MED27: variants seen among roughly 807,000 people sequenced by gnomAD.
MED27 encodes mediator of RNA polymerase II transcription subunit 27.
In MED27, 30 loss-of-function variants were observed where a neutral mutation model predicts 38.2. That is an observed-to-expected ratio of 0.79 (90% confidence interval 0.59 to 1.07). The LOEUF is 1.07. Among genes scored for constraint, MED27 ranks in the 50% least tolerant of loss-of-function variants. MED27 has a pLI of 0.00. For synonymous variants in MED27, 122 were observed against 153.5 expected (o/e 0.79, Z 1.52); for missense variants, 289 against 397.5 (o/e 0.73, Z 2.32).
In MED27 at chr9:132,000,036, G is replaced by C. The variant is rs78654676; in HGVS notation, c.479+14301C>G. Among the ~76,000 whole-genome samples the C allele has an allele frequency of 1.6e-3, 242 of 151,572 alleles. 7 individuals are homozygous for C. In the East Asian group the frequency reaches 0.045, roughly 28 times the overall value. ...TACATTAAGGCATTTTCAAAGCCATGAAAGGAAATTCTGAAAACCTGTATT... is the reference window on the plus strand; with the variant it reads ...TACATTAAGGCATTTTCAAAGCCATCAAAGGAAATTCTGAAAACCTGTATT... On this transcript the variant is annotated intron_variant, in intron 3 of 7. Transcript: ENST00000292035.
At chr9:132,016,975 T>C (rs1156272188) in intron 2 of MED27, among the ~76,000 whole-genome samples, 3 of 152,226 alleles carry the variant, frequency 2.0e-5, no homozygotes, top group Non-Finnish European at 4.4e-5. Flanking sequence ...ACAGCACACA[T>C]AGGTGGAAGG....
At chr9:131,938,176 G>A (rs949099136) in intron 4 of MED27, among the ~76,000 whole-genome samples, 2 of 151,738 alleles carry the variant, frequency 1.3e-5, no homozygotes, top group Admixed American at 6.6e-5. Flanking sequence ...GAAGATGAAC[G>A]GCTGGAGTAA....
At chr9:131,979,801 A>T (rs369971587) in intron 3 of MED27, among the ~76,000 whole-genome samples, 1 of 150,804 alleles carries the variant, frequency 6.6e-6, no homozygotes, top group East Asian at 2.0e-4. Flanking sequence ...GTCCATGCTA[A>T]CTCCTTGTAG....
intron 2 of MED27, among the ~76,000 whole-genome samples, chr9:132,066,467 G>A (rs1219264638): frequency 6.6e-6 from 1 of 152,194 alleles, no homozygotes; most frequent in Non-Finnish European, 1.5e-5. Context: ...AGACAACAAA[G>A]TTCTTGACTT....
intron 2 of MED27, among the ~76,000 whole-genome samples, chr9:132,020,957 T>G (rs1230163375): frequency 3.3e-5 from 5 of 152,226 alleles, no homozygotes; most frequent in Non-Finnish European, 7.3e-5. Flanking sequence ...TCCAATTTAC[T>G]TGCCTATTTG....
rs1170137126 is a variant in MED27, at chr9:132,051,805, C to T, written c.348+25637G>A. ...CATCACATAAAGTTCTATTGGCGAG[C>T]ACTGCTCTGATCCCAGAAAATATGT... On this transcript the variant is annotated intron_variant, in intron 2 of 7. Coordinates refer to ENST00000292035, the MANE Select transcript of MED27 (RefSeq NM_004269.4). This position sits in a 1 kb window ranked among gnomAD's most constrained non-coding sequence, Gnocchi z 4.2. Among the ~76,000 whole-genome samples the T allele has an allele frequency of 2.0e-5, 3 of 152,186 alleles. No individual in the cohort carries two copies. Among genetic ancestry groups the T allele is most frequent in the African/African-American group, 7.2e-5 (3 of 41,454 alleles).
intron 2 of MED27, among the ~76,000 whole-genome samples, chr9:132,040,284 A>T (rs1397892799): frequency 3.9e-5 from 6 of 152,256 alleles, no homozygotes; most frequent in Non-Finnish European, 8.8e-5. Flanking sequence ...TTAAAAAGCA[A>T]ATGCCATCAC....
rs1564267526 is a variant in MED27, at chr9:131,883,352, TG to T, written c.723+705del. ...GTGGGGACTGGTGGGGGTGTGGCGG[TG>T]GGGACAGAATCCTCATCAGCCACAG... On this transcript the variant is annotated intron_variant, in intron 6 of 7. Transcript: ENST00000292035. The surrounding 1 kb of genome is among the most constrained non-coding windows in gnomAD (Gnocchi z 4.2). 1.3e-5 allele frequency among the ~76,000 whole-genome samples: 2 copies of T among 151,984 alleles called. No homozygotes were observed. Among genetic ancestry groups the T allele is most frequent in the Admixed American group, 6.6e-5 (1 of 15,266 alleles).
chr9:132,056,572 C>T (rs1413910933), intron 2 of MED27, among the ~76,000 whole-genome samples: 2 of 152,162 alleles, frequency 1.3e-5, no homozygotes, highest in Non-Finnish European at 2.9e-5. Context: ...ATTTAGGATA[C>T]TCAACTGGTA....
At chr9:131,971,064 T>C (rs1831465388) in intron 3 of MED27, among the ~76,000 whole-genome samples, 1 of 152,176 alleles carries the variant, frequency 6.6e-6, no homozygotes, top group Non-Finnish European at 1.5e-5. Flanking sequence ...CTTGAAAACA[T>C]TCCAGTAGCA....
intron 2 of MED27, among the ~76,000 whole-genome samples, chr9:132,038,188 CTTTTTTT>C (rs144353393): frequency 6.3e-4 from 79 of 125,688 alleles, no homozygotes; most frequent in African/African-American, 2.5e-3. Context: ...AGGCATCCTT[CTTTTTTT>C]TTTTTTTTTT....
intron 3 of MED27, among the ~76,000 whole-genome samples, chr9:131,984,645 G>A (rs1831810825): frequency 6.6e-6 from 1 of 152,162 alleles, no homozygotes; most frequent in Non-Finnish European, 1.5e-5. Flanking sequence ...CCTCTGAGGA[G>A]GTGTCATTTC....
At chr9:132,014,265 A>T (rs1295605718) in intron 3 of MED27, 72 bp downstream of exon 3, 25 of 1,471,232 alleles carry the variant, frequency 1.7e-5, no homozygotes, top group Non-Finnish European at 2.3e-5. Flanking sequence ...GTAACTTTCC[A>T]CTACCCAAAA....
intron 3 of MED27, among the ~76,000 whole-genome samples, chr9:131,946,342 C>A (rs1172957806): frequency 6.6e-6 from 1 of 152,174 alleles, no homozygotes; most frequent in African/African-American, 2.4e-5. Context: ...TCCATAATGA[C>A]TGTACTAATT....
At chr9:131,863,703 A>G (rs947479503) in intron 6 of MED27, among the ~76,000 whole-genome samples, 4 of 151,618 alleles carry the variant, frequency 2.6e-5, no homozygotes, top group African/African-American at 9.8e-5. Context: ...GCAGTTTCTG[A>G]GGCTGTTCTG....
intron 2 of MED27, among the ~76,000 whole-genome samples, chr9:132,024,214 G>A (rs936673232): frequency 6.6e-6 from 1 of 152,208 alleles, no homozygotes; most frequent in African/African-American, 2.4e-5. Flanking sequence ...CTTGTAAGGA[G>A]AGAGTTGTCT....
At chr9:131,897,475 C>T (rs1459225494) in intron 4 of MED27, among the ~76,000 whole-genome samples, 1 of 152,252 alleles carries the variant, frequency 6.6e-6, no homozygotes, top group Non-Finnish European at 1.5e-5. Context: ...GAACACTGAA[C>T]TACATGCTTG....
At chr9:131,903,678 A>G (rs1393478041) in intron 4 of MED27, among the ~76,000 whole-genome samples, 2 of 152,156 alleles carry the variant, frequency 1.3e-5, no homozygotes, top group Admixed American at 6.5e-5. Flanking sequence ...ACTATTGGAC[A>G]CTGCACTCAG....
Position 131,982,999 on chromosome 9 carries a change from G to C in MED27, c.479+31338C>G, listed in dbSNP as rs1261568776. On this transcript the variant is annotated intron_variant, in intron 3 of 7. Transcript: ENST00000292035. This position sits in a 1 kb window ranked among gnomAD's most constrained non-coding sequence, Gnocchi z 4.3. Reference sequence around the variant, plus strand: ...TGTAGATTCGCATTCAGGAGGATCTGTGACTGAGTTTCAGCAAGTTCCCAG... The same window carrying C: ...TGTAGATTCGCATTCAGGAGGATCTCTGACTGAGTTTCAGCAAGTTCCCAG... Among the ~76,000 whole-genome samples, 3 of 152,196 alleles carry C rather than the reference G, an allele frequency of 2.0e-5. No homozygotes were observed. Among genetic ancestry groups the C allele is most frequent in the African/African-American group, 7.2e-5 (3 of 41,440 alleles).
Sources: allele counts gnomAD v4.1 joint callset (sites outside exome capture counted in the v4.1 genomes callset), GRCh38; gene constraint gnomAD v4.1.1; non-coding constraint Gnocchi (gnomAD v3.1); transcripts MANE v1.5; gene names NCBI Gene and HGNC (gene_info 2026-07-23, HGNC 2026-07-21).